USP34: variants seen among roughly 807,000 people sequenced by gnomAD.
USP34 encodes ubiquitin carboxyl-terminal hydrolase 34.
In USP34, 70 loss-of-function variants were observed where a neutral mutation model predicts 460.3. That is an observed-to-expected ratio of 0.15 (90% CI 0.13 to 0.19). USP34 has a LOEUF of 0.19. Among genes scored for constraint, USP34 ranks in the 10% least tolerant of loss-of-function variants. The pLI is 1.00. For synonymous variants in USP34, 1,647 were observed against 1,405.3 expected (o/e 1.17, Z -3.85); for missense variants, 3,985 against 4,236.2 (o/e 0.94, Z 1.65).
At chr2:61,227,998 G>T (rs1422836325) in intron 61 of USP34, among the ~76,000 whole-genome samples, 1 of 152,146 alleles carries the variant, frequency 6.6e-6, no homozygotes, top group South Asian at 2.1e-4. Flanking sequence ...AAGATTTTAT[G>T]ATCTACTAGT....
intron 3 of USP34, among the ~76,000 whole-genome samples, chr2:61,399,860 G>A (rs1481070527): frequency 4.6e-5 from 3 of 64,754 alleles, no homozygotes; most frequent in South Asian, 8.5e-4. Flanking sequence ...GCAACAGTGC[G>A]AGACACTGTC....
chr2:61,311,720 C>T (rs1259920308), intron 26 of USP34, 33 bp from the exon 27 acceptor site: 1 of 1,607,056 alleles, frequency 6.2e-7, no homozygotes. Context: ...TTTAAAAATA[C>T]AAAAAGAACA....
chr2:61,441,438 G>A (rs553975029), intron 1 of USP34, among the ~76,000 whole-genome samples: 2 of 152,214 alleles, frequency 1.3e-5, no homozygotes, highest in East Asian at 3.9e-4. Context: ...TGAAAAGGTG[G>A]CTGCAGAGAG....
chr2:61,326,870 G>C (rs1691108674), intron 20 of USP34, among the ~76,000 whole-genome samples: 1 of 141,714 alleles, frequency 7.1e-6, no homozygotes, highest in African/African-American at 2.6e-5. Context: ...TGCAACCTCC[G>C]CCTCCTGGGT....
intron 27 of USP34, 43 bp from the exon 28 acceptor site, chr2:61,301,497 T>A (rs1558518288): frequency 6.5e-7 from 1 of 1,528,366 alleles, no homozygotes; most frequent in Non-Finnish European, 9.0e-7. Flanking sequence ...TTTTTAAGAA[T>A]TAACTTACTT....
chr2:61,426,849 G>A (rs1694526436), intron 1 of USP34, among the ~76,000 whole-genome samples: 1 of 152,200 alleles, frequency 6.6e-6, no homozygotes, highest in Non-Finnish European at 1.5e-5. Context: ...GCTTTAGGTG[G>A]CTCAGGACAG....
chr2:61,446,214 A>G (rs188432955), intron 1 of USP34, among the ~76,000 whole-genome samples: 1 of 152,158 alleles, frequency 6.6e-6, no homozygotes, highest in Admixed American at 6.6e-5. Context: ...ACCAAAAAAC[A>G]CCAGTGAGAC....
chr2:61,401,540 ATTTTTTTTTTTTTTT>A (rs1156550372), intron 3 of USP34, among the ~76,000 whole-genome samples: 1 of 62,416 alleles, frequency 1.6e-5, no homozygotes, highest in East Asian at 4.4e-4. Context: ...ACCTGGCCCT[ATTTTTTTTTTTTTTT>A]TTTTTTTTTT....
At chr2:61,423,144 C>T (rs1694411287) in intron 1 of USP34, among the ~76,000 whole-genome samples, 1 of 152,158 alleles carries the variant, frequency 6.6e-6, no homozygotes, top group Non-Finnish European at 1.5e-5. Context: ...GAGACAGTCT[C>T]ACTCTTTTGC....
intron 10 of USP34, among the ~76,000 whole-genome samples, chr2:61,363,596 G>A (rs112818132): frequency 6.8e-4 from 103 of 152,294 alleles, no homozygotes; most frequent in African/African-American, 2.3e-3. Context: ...TTATCACAAT[G>A]TCATGAGGTG....
rs1232973598 is a variant in USP34, at chr2:61,196,247, ATTTT to A, written c.9509-3271_9509-3268del. On this transcript the variant is annotated intron_variant, in intron 75 of 79. Transcript: ENST00000398571. ...AGGTGCCCGCCACCATGCCTGGCTAATTTTTTTTTTTTTTTTGTATTTTTAGTAG... is the reference window on the plus strand; with the variant it reads ...AGGTGCCCGCCACCATGCCTGGCTAATTTTTTTTTTTTGTATTTTTAGTAG... Among the ~76,000 whole-genome samples, 4 of 136,164 alleles carry A rather than the reference ATTTT, an allele frequency of 2.9e-5. No individual in the cohort carries two copies. The South Asian group carries it at 9.3e-4, about 32-fold the overall frequency. The allele number at this position is 136,164 out of a possible 152,430, so 89.3% of individuals were successfully genotyped here.
intron 50 of USP34, 46 bp from the exon 51 acceptor site, chr2:61,245,334 A>C (rs746406607): frequency 5.4e-6 from 6 of 1,107,318 alleles, no homozygotes; most frequent in Non-Finnish European, 6.4e-6. Context: ...TATAATGAGT[A>C]TCTTCATATT....
intron 42 of USP34, 124 bp downstream of exon 42, chr2:61,265,860 C>G: frequency 1.1e-6 from 1 of 947,830 alleles, no homozygotes; most frequent in Non-Finnish European, 1.4e-6. Flanking sequence ...TAATAACACC[C>G]TACCAATAAT....
rs1235307234 is a variant in USP34 at position 61,470,981 on chromosome 2, AG to A, written c.-290del. On this transcript the variant is annotated 5_prime_UTR_variant, in exon 1 of 80. Coordinates refer to ENST00000398571, the MANE Select transcript of USP34 (RefSeq NM_014709.4). The stretch of plus-strand genomic sequence containing the variant: ...GGGGGGAAGGACGGGGGGAGGGGAG[AG>A]GGGGGGAGGGGGCGGGTGGGGAGAG... Among the ~76,000 whole-genome samples, 40 of 5,190 alleles carry A rather than the reference AG, an allele frequency of 7.7e-3. No individual in the cohort carries two copies. The highest frequency in any genetic ancestry group is 0.045 in the Admixed American group (29 of 638). The allele number at this position is 5,190 out of a possible 152,430, so 3.4% of individuals were successfully genotyped here. A position where few individuals can be genotyped will look rare whatever the true frequency, so the allele number is the denominator to read the frequency against.
intron 69 of USP34, among the ~76,000 whole-genome samples, chr2:61,210,929 G>A (rs757866004): frequency 7.2e-5 from 11 of 152,106 alleles, no homozygotes; most frequent in Non-Finnish European, 1.6e-4. Context: ...ATGTTGCCCA[G>A]GCTGCTCTAA....
In USP34 at chr2:61,190,422, A is replaced by G; in HGVS notation, c.9730-8T>C. On this transcript the variant is annotated splice_polypyrimidine_tract_variant and splice_region_variant and intron_variant, in intron 77 of 79. Transcript: ENST00000398571. ...AAACACTTGACTTTGAACCTGAAAA[A>G]GAAGATTTAAAAAAATCTCCAAAAG... 1 of 1,599,592 alleles carries G rather than the reference A, an allele frequency of 6.3e-7. No individual in the cohort carries two copies. The highest frequency in any genetic ancestry group is 2.2e-5 in the East Asian group (1 of 44,782).
intron 14 of USP34, 94 bp downstream of exon 14, chr2:61,348,662 C>T (rs1256376500): frequency 3.4e-6 from 5 of 1,479,066 alleles, no homozygotes; most frequent in Non-Finnish European, 4.5e-6. Context: ...GAGGACAAGC[C>T]CAAACATGAA....
chr2:61,401,770 G>C (rs1327963534), intron 3 of USP34, among the ~76,000 whole-genome samples: 3 of 146,882 alleles, frequency 2.0e-5, no homozygotes, highest in Non-Finnish European at 4.5e-5. Flanking sequence ...GTGTTAGCCA[G>C]GATGGTCTCG....
At chr2:61,412,488 T>C (rs1050643314) in intron 2 of USP34, among the ~76,000 whole-genome samples, 1 of 152,054 alleles carries the variant, frequency 6.6e-6, no homozygotes, top group African/African-American at 2.4e-5. Flanking sequence ...ATATATATCA[T>C]TTACAGTTTA....
Sources: allele counts gnomAD v4.1 joint callset (sites outside exome capture counted in the v4.1 genomes callset), GRCh38; gene constraint gnomAD v4.1.1; transcripts MANE v1.5; gene names NCBI Gene and HGNC (gene_info 2026-07-23, HGNC 2026-07-21).